EFHB: variants seen among roughly 807,000 people sequenced by gnomAD.
The protein encoded by EFHB is EF-hand domain family member B, also known as EF-hand domain-containing family member B.
In EFHB, 91 loss-of-function variants were observed where a neutral mutation model predicts 87.2. The observed-to-expected ratio is 1.04, with a 90% CI of 0.88 to 1.24. EFHB has a LOEUF of 1.24. Ranked by LOEUF, EFHB falls within the 50% of genes most tolerant of loss-of-function variation. The pLI is 0.00. For synonymous variants in EFHB, 325 were observed against 333.6 expected (o/e 0.97, Z 0.28); for missense variants, 1,084 against 998.8 (o/e 1.09, Z -1.15).
At position 19,879,729 on chromosome 3, in the gene EFHB, T is replaced by C. The variant is rs1038000085; in HGVS notation, c.2404A>G (p.Lys802Glu). The C allele has an allele frequency of 1.9e-6, 3 of 1,611,058 alleles. No individual in the cohort carries two copies. The highest frequency in any genetic ancestry group is 1.7e-5 in the Admixed American group (1 of 58,812). The change falls in exon 13 of 13, where the codon AAA (lysine) becomes GAA (glutamate). Residue 802 changes from lysine (K) to glutamate (E), a missense_variant. Coordinates refer to ENST00000295824, the MANE Select transcript of EFHB (RefSeq NM_144715.4). Reference protein sequence around the residue: ...EFENVWNLASKKHHRGEVCVE... With the variant: ...EFENVWNLASEKHHRGEVCVE... Reference sequence around the variant, plus strand: ...CAAACTTCTCCTCTGTGATGCTTTTTTGATGCAAGATTCCATACATTTTCA... The same window carrying C: ...CAAACTTCTCCTCTGTGATGCTTTTCTGATGCAAGATTCCATACATTTTCA...
At chr3:19,934,317 ATCTC>A (rs144284406), upstream of EFHB, 9 of 1,043,308 alleles carry the variant, frequency 8.6e-6, no homozygotes, top group Non-Finnish European at 1.1e-5. Flanking sequence ...CTCTCTCTCA[ATCTC>A]TCTCTCTCTC....
chr3:19,936,008 CAAAAAAAAAAAA>C (rs751728589), upstream of EFHB: 7 of 546,934 alleles, frequency 1.3e-5, no homozygotes, highest in Admixed American at 8.1e-4. Context: ...GACTCCATCT[CAAAAAAAAAAAA>C]AAAAAAAAAG....
Position 19,899,508 on chromosome 3 carries a change from C to G in EFHB, c.1426G>C (p.Gly476Arg), listed in dbSNP as rs1218664663. 1 of 1,596,714 alleles carries G rather than the reference C, an allele frequency of 6.3e-7. No individual in the cohort carries two copies. Among genetic ancestry groups the G allele is most frequent in the Non-Finnish European group, 8.5e-7 (1 of 1,173,752 alleles). The change falls in exon 7 of 13, where the codon GGA (glycine) becomes CGA (arginine). Residue 476 changes from glycine to arginine, a missense_variant. By Grantham distance (125) the Gly-to-Arg change is moderately radical. Coordinates refer to ENST00000295824, the MANE Select transcript of EFHB (RefSeq NM_144715.4). The stretch of plus-strand genomic sequence containing the variant: ...GCTCTTTTGGATACAAACTTAGCTC[C>G]TCTTTTCCTGCAAAATTAGAACATT... ...YWLHELQMKR[G>R]AKFVSKRADD... is the part of the protein sequence containing the mutation.
At position 19,882,674 on chromosome 3, in the gene EFHB, C is replaced by T. The variant is rs150858538; in HGVS notation, c.2204G>A (p.Arg735His). The T allele has an allele frequency of 4.9e-5, 79 of 1,613,580 alleles. No individual in the cohort carries two copies. The highest frequency in any genetic ancestry group is 6.1e-5 in the Non-Finnish European group (72 of 1,179,786). Residue 735 changes from arginine (R) to histidine (H), a missense_variant, in exon 12 of 13, where the codon CGT becomes CAT. By Grantham distance (29) the Arg-to-His change is conservative. Transcript: ENST00000295824. ...ATAATTAGTTCTGTCACTGATGCGA[C>T]GAATTCGGGGAGCAGGAATGTCAGA... Reference protein sequence around the residue: ...IRSDIPAPRIRRISDRTNYGE... With the variant: ...IRSDIPAPRIHRISDRTNYGE...
intron 6 of EFHB, among the ~76,000 whole-genome samples, chr3:19,899,899 C>A (rs570304192): frequency 6.6e-6 from 1 of 152,040 alleles, no homozygotes; most frequent in South Asian, 2.1e-4. Flanking sequence ...ATGGCAAAAC[C>A]CTGTCTCTTA....
At position 19,883,039 on chromosome 3, in the gene EFHB, C is replaced by A. The variant is rs141115038; in HGVS notation, c.2147-308G>T. Among the ~76,000 whole-genome samples, 1,178 of 151,352 alleles carry A rather than the reference C, an allele frequency of 7.8e-3. 15 individuals carry two copies. The highest frequency in any genetic ancestry group is 0.027 in the African/African-American group (1,117 of 41,236). The stretch of plus-strand genomic sequence containing the variant: ...TTTTTGAGACAGGGTCTCACTCTGT[C>A]ACCCAGGCTAGAATGCAGTGGCATG... On this transcript the variant is annotated intron_variant, in intron 11 of 12. Coordinates refer to ENST00000295824, the MANE Select transcript of EFHB (RefSeq NM_144715.4).
Position 19,888,554 on chromosome 3 carries a change from T to C in EFHB, c.1823A>G (p.Tyr608Cys), listed in dbSNP as rs759365986. 46 of 1,597,202 alleles carry C rather than the reference T, an allele frequency of 2.9e-5. No individual in the cohort carries two copies. The highest frequency in any genetic ancestry group is 1.7e-4 in the Middle Eastern group (1 of 6,058). Residue 608 changes from tyrosine (Y) to cysteine (C), a missense_variant, in exon 10 of 13, where the codon TAC (tyrosine) becomes TGC (cysteine). Physicochemically the swap from Tyr to Cys is radical, Grantham distance 194 (BLOSUM62 -2). Transcript: ENST00000295824. ...DDKLLDQLFD[Y>C]CDVDNDGFIN... is the part of the protein sequence containing the mutation. Reference sequence around the variant, plus strand: ...GAAGCCATCATTATCCACATCACAGTAGTCAAATAGCTGGTCCAGGAGCTT... The same window carrying C: ...GAAGCCATCATTATCCACATCACAGCAGTCAAATAGCTGGTCCAGGAGCTT...
At chr3:19,909,568 G>A (rs763559286) in intron 5 of EFHB, among the ~76,000 whole-genome samples, 2 of 152,088 alleles carry the variant, frequency 1.3e-5, no homozygotes, top group African/African-American at 2.4e-5. Context: ...GGTAGGTGGT[G>A]GGATACATGT....
chr3:19,943,308 T>C (rs961367535), intron 1 of EFHB: 2 of 230,628 alleles, frequency 8.7e-6, no homozygotes, highest in Non-Finnish European at 1.8e-5. Context: ...CTGCAGGTCC[T>C]TTAAACAGGG....
chr3:19,910,354 A>T (rs2125141649), intron 5 of EFHB, among the ~76,000 whole-genome samples: 1 of 152,118 alleles, frequency 6.6e-6, no homozygotes, highest in Non-Finnish European at 1.5e-5. Flanking sequence ...CTACCCAGTG[A>T]GGTTCCTCTG....
intron 5 of EFHB, among the ~76,000 whole-genome samples, chr3:19,907,102 T>C (rs1278288712): frequency 7.6e-6 from 1 of 131,588 alleles, no homozygotes; most frequent in Non-Finnish European, 1.6e-5. Flanking sequence ...GAAGAAAAAA[T>C]AGAGGAAAAA....
chr3:19,883,531 GCTTC>G (rs2071734282), intron 11 of EFHB, among the ~76,000 whole-genome samples: 1 of 152,102 alleles, frequency 6.6e-6, no homozygotes, highest in African/African-American at 2.4e-5. Flanking sequence ...TATTCATCAT[GCTTC>G]ATATTGATAT....
Position 19,888,667 on chromosome 3 carries a change from C to CA in EFHB, c.1726-17dup. On this transcript the variant is annotated splice_polypyrimidine_tract_variant and intron_variant, in intron 9 of 12. Transcript: ENST00000295824. Reference sequence around the variant, plus strand: ...CATCTCCCTTCTGTTATACAGGAAGCAAAAGAACATAAAATGGGAGTTGTC... The same window carrying CA: ...CATCTCCCTTCTGTTATACAGGAAGCAAAAAGAACATAAAATGGGAGTTGTC... The CA allele has an allele frequency of 6.3e-7, 1 of 1,587,350 alleles. No individual in the cohort carries two copies. The highest frequency in any genetic ancestry group is 8.6e-7 in the Non-Finnish European group (1 of 1,164,088).
chr3:19,880,812 G>A (rs939777625), intron 12 of EFHB, among the ~76,000 whole-genome samples: 8 of 151,728 alleles, frequency 5.3e-5, no homozygotes, highest in Admixed American at 2.0e-4. Flanking sequence ...AACTAGTAGC[G>A]GGAAGAAACA....
chr3:19,941,257 C>A, intron 1 of EFHB: 1 of 289,914 alleles, frequency 3.4e-6, no homozygotes, highest in South Asian at 5.0e-5. Context: ...CAGAACAGGT[C>A]AGCATTCAGT....
intron 9 of EFHB, among the ~76,000 whole-genome samples, chr3:19,896,215 T>C (rs1694476528): frequency 6.6e-6 from 1 of 152,120 alleles, no homozygotes; most frequent in African/African-American, 2.4e-5. Flanking sequence ...ATAACAGTGG[T>C]TCTCAAACTT....
chr3:19,898,718 T>C, intron 8 of EFHB, 60 bp downstream of exon 8: 1 of 1,522,348 alleles, frequency 6.6e-7, no homozygotes, highest in Non-Finnish European at 9.1e-7. Context: ...CTGCATAACT[T>C]TGTGGGGATT....
chr3:19,921,148 G>C (rs1695423082), intron 1 of EFHB, among the ~76,000 whole-genome samples: 1 of 152,186 alleles, frequency 6.6e-6, no homozygotes, highest in African/African-American at 2.4e-5. Context: ...GAGAAAGAAA[G>C]AGAACAAACA....
At chr3:19,909,028 A>C (rs1000538648) in intron 5 of EFHB, among the ~76,000 whole-genome samples, 11 of 141,218 alleles carry the variant, frequency 7.8e-5, no homozygotes, top group Admixed American at 4.2e-4. Flanking sequence ...TCCCAGACCC[A>C]CACCCGCCCC....
Sources: gnomAD v4.1 joint callset for allele counts (sites outside exome capture counted in the v4.1 genomes callset) on GRCh38, gnomAD v4.1.1 for gene constraint, MANE v1.5 for transcripts, NCBI Gene and HGNC (gene_info 2026-07-23, HGNC 2026-07-21) for gene names.